Variants in RPL7L1 observed in about 807,000 individuals in gnomAD.
RPL7L1 encodes ribosomal protein uL30-like.
A neutral mutation model predicts 30.3 loss-of-function variants in RPL7L1; 20 were observed. That is an observed-to-expected ratio of 0.66 (90% CI 0.46 to 0.96). The LOEUF is 0.96. RPL7L1 is among the 40% of genes least tolerant of loss of function. The probability of loss-of-function intolerance (pLI) is 0.00; values close to 1 mark genes in which losing one functional copy is unlikely to be tolerated. For missense variants in RPL7L1, 271 were observed against 314.9 expected, an observed-to-expected ratio of 0.86 and a Z score of 1.05; for synonymous variants, 107 against 110.1, an observed-to-expected ratio of 0.97 and a Z score of 0.18.
intron 1 of RPL7L1, 98 bp from the exon 2 acceptor site, chr6:42,880,763 T>G (rs1020461514): frequency 3.2e-6 from 2 of 625,342 alleles, no homozygotes; most frequent in African/African-American, 3.7e-5. Context: ...TCCACCCACC[T>G]CGGCCTCCCA....
At chr6:42,880,702 G>C (rs1581654161) in intron 1 of RPL7L1, 159 bp from the exon 2 acceptor site, 1 of 467,876 alleles carries the variant, frequency 2.1e-6, no homozygotes, top group East Asian at 4.3e-5. Flanking sequence ...AGTAGAAACG[G>C]GGGTTTCACC....
At chr6:42,884,508 G>T in intron 3 of RPL7L1, 105 bp from the exon 4 acceptor site, 1 of 1,008,362 alleles carries the variant, frequency 9.9e-7, no homozygotes, top group South Asian at 1.5e-5. Context: ...CATAGTCTCT[G>T]TGTCTTATTC....
rs533222096 is a variant in RPL7L1 at position 42,885,725 on chromosome 6, T to G, written c.450-249T>G. On this transcript the variant is annotated intron_variant, in intron 4 of 5. Transcript: ENST00000493763. ...TAGGACATGGTTTCTGTTTTGTTTTTGTTGGCAATATTTTCCCTGGTGAAC... is the reference window on the plus strand; with the variant it reads ...TAGGACATGGTTTCTGTTTTGTTTTGGTTGGCAATATTTTCCCTGGTGAAC... 3.4e-5 allele frequency: 14 copies of G among 417,682 alleles called. No homozygotes were observed. The East Asian group carries it at 5.4e-4, about 16-fold the overall frequency. 25.9% of individuals were successfully genotyped at this position (417,682 alleles called of 1,614,324 possible). A position where few individuals can be genotyped will look rare whatever the true frequency, so the allele number is the denominator to read the frequency against.
Position 42,879,831 on chromosome 6 carries a change from T to G in RPL7L1, c.-80T>G. ...CGGCTAAGTGAACGCTGACTGGTCC[T>G]CCAGCGTGAGCTAGAACAGACGTCT... is the stretch of plus-strand genomic sequence containing the variant. On this transcript the variant is annotated 5_prime_UTR_variant, in exon 1 of 6. Coordinates refer to ENST00000493763, the MANE Select transcript of RPL7L1 (RefSeq NM_001366481.3). 6.7e-7 allele frequency: 1 copy of G among 1,486,216 alleles called. No homozygotes were observed. Among genetic ancestry groups the G allele is most frequent in the Middle Eastern group, 2.3e-4 (1 of 4,332 alleles). 92.1% of individuals were successfully genotyped at this position (1,486,216 alleles called of 1,614,324 possible).
rs1254101453 is a variant in RPL7L1, at chr6:42,886,504, CT to C, written c.*44del. On this transcript the variant is annotated 3_prime_UTR_variant, in exon 6 of 6. Coordinates refer to ENST00000493763, the MANE Select transcript of RPL7L1 (RefSeq NM_001366481.3). ...GGGCTGAAAACTGCCCTTGGGCTGACTTTTGATAGGCCATGCCTTGCCACTT... is the reference window on the plus strand; with the variant it reads ...GGGCTGAAAACTGCCCTTGGGCTGACTTTGATAGGCCATGCCTTGCCACTT... The C allele has an allele frequency of 2.1e-6, 2 of 953,196 alleles. No homozygotes were observed. Among genetic ancestry groups the C allele is most frequent in the South Asian group, 2.7e-5 (2 of 74,772 alleles). The allele number at this position is 953,196 out of a possible 1,614,324, so 59.0% of individuals were successfully genotyped here.
chr6:42,887,161 T>C lies in RPL7L1; in HGVS notation c.*697T>C, dbSNP rs1196008335. ...TTATTGCTGTTGTCATACTCTTAGG[T>C]GCCAAACTGCGGTAAATTTTTTATC... is the stretch of plus-strand genomic sequence containing the variant. On this transcript the variant is annotated 3_prime_UTR_variant, in exon 6 of 6. Transcript: ENST00000493763. The C allele has an allele frequency of 1.3e-5, 2 of 152,228 alleles. No individual in the cohort carries two copies. The highest frequency in any genetic ancestry group is 4.8e-5 in the African/African-American group (2 of 41,454). The allele number at this position is 152,228 out of a possible 1,614,324, so 9.4% of individuals were successfully genotyped here.
In RPL7L1 at chr6:42,886,498, G is replaced by T; in HGVS notation, c.*34G>T. 9.1e-7 allele frequency: 1 copy of T among 1,093,672 alleles called. No individual in the cohort carries two copies. Among genetic ancestry groups the T allele is most frequent in the Non-Finnish European group, 1.4e-6 (1 of 735,200 alleles). The allele number at this position is 1,093,672 out of a possible 1,614,324, so 67.7% of individuals were successfully genotyped here. A position where few individuals can be genotyped will look rare whatever the true frequency, so the allele number is the denominator to read the frequency against. On this transcript the variant is annotated 3_prime_UTR_variant, in exon 6 of 6. Transcript: ENST00000493763. ...GAGGCAGGGCTGAAAACTGCCCTTG[G>T]GCTGACTTTTGATAGGCCATGCCTT...
chr6:42,884,556 G>C (rs1766192437), intron 3 of RPL7L1, 57 bp from the exon 4 acceptor site: 1 of 1,551,332 alleles, frequency 6.4e-7, no homozygotes, highest in Admixed American at 1.7e-5. Flanking sequence ...TGTTGTGCTT[G>C]CTGGACTGAC....
At chr6:42,881,063 C>A (rs944969186) in intron 2 of RPL7L1, 97 bp downstream of exon 2, 2 of 716,710 alleles carry the variant, frequency 2.8e-6, no homozygotes, top group Admixed American at 2.3e-5. Context: ...CGAGCTCCCC[C>A]CAACGGTTTG....
In RPL7L1 at chr6:42,887,593, A is replaced by C. The variant is rs967471303; in HGVS notation, c.*1129A>C. ...CGAAACTCTGTCTCAAAAAAAAAGA[A>C]AAGACAGTAGCATATGTTCATGTCA... On this transcript the variant is annotated 3_prime_UTR_variant, in exon 6 of 6. Transcript: ENST00000493763. 2.6e-5 allele frequency: 4 copies of C among 152,360 alleles called. No homozygotes were observed. The highest frequency in any genetic ancestry group is 1.9e-4 in the East Asian group (1 of 5,190). 9.4% of individuals were successfully genotyped at this position (152,360 alleles called of 1,614,324 possible).
chr6:42,880,074 A>G, intron 1 of RPL7L1, 123 bp downstream of exon 1: 2 of 1,009,922 alleles, frequency 2.0e-6, no homozygotes, highest in Non-Finnish European at 3.1e-6. Flanking sequence ...ACAGTTTACA[A>G]AGGGTGGGGG....
At chr6:42,885,953 G>T in intron 4 of RPL7L1, 21 bp from the exon 5 acceptor site, 1 of 1,404,678 alleles carries the variant, frequency 7.1e-7, no homozygotes, top group Non-Finnish European at 1.0e-6. Flanking sequence ...GGTGAAAACC[G>T]TGCTTTATTT....
Position 42,886,719 on chromosome 6 carries a change from G to T in RPL7L1, c.*255G>T. The T allele has an allele frequency of 2.7e-6, 1 of 376,672 alleles. No individual in the cohort carries two copies. Among genetic ancestry groups the T allele is most frequent in the Non-Finnish European group, 5.0e-6 (1 of 199,808 alleles). 23.3% of individuals were successfully genotyped at this position (376,672 alleles called of 1,614,324 possible). On this transcript the variant is annotated 3_prime_UTR_variant, in exon 6 of 6. Coordinates refer to ENST00000493763, the MANE Select transcript of RPL7L1 (RefSeq NM_001366481.3). ...TAACTAAAAACTGTATTGCTGGCCG[G>T]GCGCGGTGGCTCACGCCTGTAATCC...
chr6:42,879,988 C>G (rs758542091), intron 1 of RPL7L1, 37 bp downstream of exon 1: 2 of 1,604,118 alleles, frequency 1.2e-6, no homozygotes, highest in South Asian at 1.1e-5. Context: ...GGAGTGGGGT[C>G]TTGAGTATCC....
In RPL7L1 at chr6:42,883,607, A is replaced by G. The variant is rs867618823; in HGVS notation, c.304A>G (p.Ile102Val). ...ACATTCCTTGGCCTTTGTTGTACGC[A>G]TCGAAAGGTAAGGAACTGGTGTCTT... is the stretch of plus-strand genomic sequence containing the variant. ...DKHSLAFVVR[I>V]ERIDGVSLLV... The change falls in exon 3 of 6, where the codon ATC becomes GTC. Residue 102 changes from isoleucine (I) to valine (V), a missense_variant. Ile to Val is a conservative substitution (Grantham distance 29). Coordinates refer to ENST00000493763, the MANE Select transcript of RPL7L1 (RefSeq NM_001366481.3). The G allele has an allele frequency of 1.5e-5, 24 of 1,590,802 alleles. No individual in the cohort carries two copies. Among genetic ancestry groups the G allele is most frequent in the East Asian group, 9.0e-5 (4 of 44,596 alleles).
chr6:42,880,150 G>A (rs1490042601), intron 1 of RPL7L1, among the ~76,000 whole-genome samples, 199 bp downstream of exon 1: 3 of 152,142 alleles, frequency 2.0e-5, no homozygotes, highest in Non-Finnish European at 4.4e-5. Context: ...TATCTGGAGA[G>A]GCGAGGATTG....
In RPL7L1 at chr6:42,884,655, A is replaced by G. The variant is rs1481939756; in HGVS notation, c.354A>G (p.Arg118=). 5 of 1,613,602 alleles carry G rather than the reference A, an allele frequency of 3.1e-6. No individual in the cohort carries two copies. Among genetic ancestry groups the G allele is most frequent in the Non-Finnish European group, 4.2e-6 (5 of 1,179,908 alleles). The change falls in exon 4 of 6, where the codon AGA becomes AGG. Residue 118 remains arginine (R), a synonymous_variant. Transcript: ENST00000493763. The part of the protein sequence containing the change: ...VSLLVQRTIA[R]LRLKKIFSGV... ...TACTGGTGCAGAGAACCATTGCAAG[A>G]CTTCGCCTAAAGAAAATTTTTAGTG...
intron 4 of RPL7L1, 105 bp downstream of exon 4, chr6:42,884,855 T>G (rs1488152180): frequency 8.6e-7 from 1 of 1,161,004 alleles, no homozygotes; most frequent in Non-Finnish European, 1.2e-6. Flanking sequence ...GAAGGGACAT[T>G]TTGCTGTGAC....
In RPL7L1 at chr6:42,879,903, G is replaced by A. The variant is rs764844274; in HGVS notation, c.-8G>A. 4 of 1,613,762 alleles carry A rather than the reference G, an allele frequency of 2.5e-6. No homozygotes were observed. In the African/African-American group the frequency reaches 5.3e-5, roughly 22 times the overall value. ...GTGTGCTGTCTTCCCCATGTGGTGG[G>A]GTTGCGCATGATCAGTAGCTGCACC... On this transcript the variant is annotated 5_prime_UTR_variant, in exon 1 of 6. Coordinates refer to ENST00000493763, the MANE Select transcript of RPL7L1 (RefSeq NM_001366481.3).
Sources: allele counts gnomAD v4.1 joint callset (sites outside exome capture counted in the v4.1 genomes callset), GRCh38; gene constraint gnomAD v4.1.1; transcripts MANE v1.5; gene names NCBI Gene and HGNC (gene_info 2026-07-23, HGNC 2026-07-21).